Variants in ZNF469 observed in about 807,000 individuals in gnomAD.
The protein encoded by ZNF469 is zinc finger protein 469.
ZNF469 carries 1 observed loss-of-function variant against 1.0 expected under a neutral mutation model. The ratio of observed to expected loss-of-function variants is 1.00; its 90% CI spans 0.35 to 4.73. The LOEUF is 4.73. Ranked by LOEUF, ZNF469 falls within the 30% of genes most tolerant of loss-of-function variation. The pLI is 0.16. For missense variants in ZNF469, 6,100 were observed against 5,356.3 expected (o/e 1.14, Z -4.33); for synonymous variants, 2,703 against 2,363.4 (o/e 1.14, Z -4.17).
chr16:88,386,113 CTCCCCATCTTCCCAGCGCCT>C (rs1021960690), intron 1 of ZNF469, among the ~76,000 whole-genome samples: 1 of 152,174 alleles, frequency 6.6e-6, no homozygotes, highest in Non-Finnish European at 1.5e-5. Flanking sequence ...TCCCAGCGCC[CTCCCCATCTTCCCAGCGCCT>C]TCCCCATTTT....
the ZNF469 span, among the ~76,000 whole-genome samples, chr16:88,303,829 G>A: frequency 6.6e-6 from 1 of 152,308 alleles, no homozygotes; most frequent in East Asian, 1.9e-4. Flanking sequence ...CTCTCATCAG[G>A]AGGTTGTGCA....
chr16:88,299,989 T>C, the ZNF469 span, among the ~76,000 whole-genome samples: 3 of 152,102 alleles, frequency 2.0e-5, no homozygotes, highest in East Asian at 3.9e-4. Context: ...CCGGGGAGCC[T>C]GCTGTGATGG....
At chr16:88,140,884 G>A in the ZNF469 span, among the ~76,000 whole-genome samples, 10 of 152,316 alleles carry the variant, frequency 6.6e-5, no homozygotes, top group Admixed American at 1.3e-4. Context: ...AGTGAGCTGA[G>A]ATCATGCCAT....
chr16:88,152,989 G>A, the ZNF469 span, among the ~76,000 whole-genome samples: 1 of 152,124 alleles, frequency 6.6e-6, no homozygotes, highest in Non-Finnish European at 1.5e-5. The surrounding 1 kb of genome is among the most constrained non-coding windows in gnomAD (Gnocchi z 4.2). Flanking sequence ...CCCCAGCACC[G>A]TGGCTCCGGC....
chr16:88,267,166 C>T, the ZNF469 span, among the ~76,000 whole-genome samples: 1 of 152,228 alleles, frequency 6.6e-6, no homozygotes, highest in Non-Finnish European at 1.5e-5. Context: ...TGCGTGTGGT[C>T]TGTCCGTGTC....
At chr16:88,138,925 C>T in the ZNF469 span, among the ~76,000 whole-genome samples, 84,738 of 152,206 alleles carry the variant, frequency 0.56, 28,074 homozygotes, top group Non-Finnish European at 0.76. Flanking sequence ...ATTCACCATT[C>T]GGCTGCCTGG....
chr16:88,307,703 T>TTATTGTTGC, the ZNF469 span, among the ~76,000 whole-genome samples: 1 of 152,366 alleles, frequency 6.6e-6, no homozygotes, highest in South Asian at 2.1e-4. Flanking sequence ...TGTCTTTTTA[T>TTATTGTTGC]TATTGTTGCA....
the ZNF469 span, among the ~76,000 whole-genome samples, chr16:88,283,085 C>T: frequency 6.6e-6 from 1 of 152,148 alleles, no homozygotes; most frequent in Admixed American, 6.5e-5. Flanking sequence ...ATTCAAGACC[C>T]GGCTGCACAA....
chr16:88,228,098 C>T, the ZNF469 span, among the ~76,000 whole-genome samples: 1 of 152,286 alleles, frequency 6.6e-6, no homozygotes, highest in Admixed American at 6.5e-5. Context: ...ATGACCTCGT[C>T]TAAGCTGAAC....
At chr16:88,229,579 T>TGATGCTACGCGTGTG in the ZNF469 span, among the ~76,000 whole-genome samples, 14 of 59,844 alleles carry the variant, frequency 2.3e-4, no homozygotes, top group Non-Finnish European at 4.9e-4. Context: ...GCTTGTGCGC[T>TGATGCTACGCGTGTG]GATGTCACGC....
chr16:88,206,828 G>T, the ZNF469 span, among the ~76,000 whole-genome samples: 1 of 85,842 alleles, frequency 1.2e-5, no homozygotes, highest in Admixed American at 1.2e-4. Flanking sequence ...GGAGGGGAGG[G>T]GAGGCCGCGG....
intron 1 of ZNF469, among the ~76,000 whole-genome samples, chr16:88,394,998 G>A (rs1256807210): frequency 6.6e-6 from 1 of 152,216 alleles, no homozygotes; most frequent in Non-Finnish European, 1.5e-5. Flanking sequence ...CTCCACTCTG[G>A]GATCTGGGCT....
At chr16:88,233,861 G>C in the ZNF469 span, among the ~76,000 whole-genome samples, 4 of 152,228 alleles carry the variant, frequency 2.6e-5, no homozygotes, top group African/African-American at 7.2e-5. Context: ...GCTGGTGGAC[G>C]TTCAGCCCTA....
At chr16:88,265,949 G>A in the ZNF469 span, among the ~76,000 whole-genome samples, 1 of 152,202 alleles carries the variant, frequency 6.6e-6, no homozygotes, top group Non-Finnish European at 1.5e-5. Context: ...GCCCAGAGGG[G>A]GTGGGATTGG....
At chr16:88,376,331 G>C in the ZNF469 span, among the ~76,000 whole-genome samples, 1 of 152,272 alleles carries the variant, frequency 6.6e-6, no homozygotes, top group Admixed American at 6.5e-5. Context: ...GATTCGGACT[G>C]CGGACGTCTG....
chr16:88,434,977 G>T lies in ZNF469; in HGVS notation c.7507G>T (p.Ala2503Ser), dbSNP rs747622601. 2.6e-6 allele frequency: 4 copies of T among 1,549,890 alleles called. No homozygotes were observed. The highest frequency in any genetic ancestry group is 2.0e-5 in the Admixed American group (1 of 50,988). Reference sequence around the variant, plus strand: ...GCACCGGCCACACCCGGGAGCCCCCGCGGAGCCGAGCCCAGCGGCCTTGCC... The same window carrying T: ...GCACCGGCCACACCCGGGAGCCCCCTCGGAGCCGAGCCCAGCGGCCTTGCC... ...RKHRPHPGAPAEPSPAALPAQ... is the reference protein window; with the variant it reads ...RKHRPHPGAPSEPSPAALPAQ... The change falls in exon 3 of 3, where the codon GCG (alanine) becomes TCG (serine). Residue 2503 changes from alanine to serine, a missense_variant. Transcript: ENST00000565624.
intron 1 of ZNF469, among the ~76,000 whole-genome samples, chr16:88,398,656 TGAGCCACAGATGAGGGGACAC>T (rs1904768106): frequency 6.8e-6 from 1 of 147,534 alleles, no homozygotes; most frequent in African/African-American, 2.5e-5. Flanking sequence ...AGGGGGGGTG[TGAGCCACAGATGAGGGGACAC>T]GTGAGCCACA....
the ZNF469 span, among the ~76,000 whole-genome samples, chr16:88,276,086 C>T: frequency 3.3e-5 from 5 of 152,158 alleles, no homozygotes. Context: ...AAGTGGACAC[C>T]CCCTCTGGGG....
the ZNF469 span, among the ~76,000 whole-genome samples, chr16:88,254,185 T>C: frequency 5.1e-3 from 776 of 152,326 alleles, 9 homozygotes; most frequent in African/African-American, 0.018. Flanking sequence ...ATTCATAGTT[T>C]TGCACAGATT....
Sources: allele counts gnomAD v4.1 joint callset (sites outside exome capture counted in the v4.1 genomes callset), GRCh38; gene constraint gnomAD v4.1.1; non-coding constraint Gnocchi (gnomAD v3.1); transcripts MANE v1.5; gene names NCBI Gene and HGNC (gene_info 2026-07-23, HGNC 2026-07-21).